Variants in MAGI1 observed in about 807,000 individuals in gnomAD.
MAGI1 encodes the protein membrane-associated guanylate kinase, WW and PDZ domain-containing protein 1.
MAGI1 carries 58 observed loss-of-function variants against 139.9 expected under a neutral mutation model. The observed-to-expected ratio is 0.41, with a 90% CI of 0.34 to 0.52. The LOEUF (loss-of-function observed/expected upper bound fraction) is 0.52, where lower values mean the gene tolerates loss of function less well. MAGI1 is among the 20% of genes least tolerant of loss of function. The pLI is 0.12. For synonymous variants in MAGI1, 812 were observed against 737.9 expected (o/e 1.10, Z -1.63); for missense variants, 1,874 against 1,901.6 (o/e 0.99, Z 0.27).
intron 1 of MAGI1, among the ~76,000 whole-genome samples, chr3:65,827,368 C>T (rs894431116): frequency 1.3e-5 from 2 of 152,106 alleles, no homozygotes; most frequent in African/African-American, 4.8e-5. Flanking sequence ...AATCACTTTA[C>T]ACTATGCTAG....
intron 2 of MAGI1, among the ~76,000 whole-genome samples, chr3:65,544,905 A>T (rs2079425550): frequency 6.6e-6 from 1 of 152,240 alleles, no homozygotes; most frequent in African/African-American, 2.4e-5. Flanking sequence ...TGTGAGTGTG[A>T]TTTATAAATA....
chr3:65,666,434 T>C (rs1327230619), intron 1 of MAGI1, among the ~76,000 whole-genome samples: 3 of 152,206 alleles, frequency 2.0e-5, no homozygotes, highest in Admixed American at 2.0e-4. Flanking sequence ...GCTATTCCAC[T>C]GAACACAAGT....
rs1203587670 is a variant in MAGI1, at chr3:65,947,423, T to C, written c.313+90573A>G. On this transcript the variant is annotated intron_variant, in intron 1 of 22. Coordinates refer to ENST00000402939, the MANE Select transcript of MAGI1 (RefSeq NM_001033057.2). Reference sequence around the variant, plus strand: ...TAAAATGGAGGAACACAAAGAATAATACAACATGTCTCTAAATTCTGACAT... The same window carrying C: ...TAAAATGGAGGAACACAAAGAATAACACAACATGTCTCTAAATTCTGACAT... 2.0e-5 allele frequency among the ~76,000 whole-genome samples: 3 copies of C among 152,060 alleles called. 1 individual carries two copies. Among genetic ancestry groups the C allele is most frequent in the East Asian group, 3.9e-4 (2 of 5,194 alleles).
chr3:65,951,000 GAA>G (rs1252341575), intron 1 of MAGI1, among the ~76,000 whole-genome samples: 13 of 132,592 alleles, frequency 9.8e-5, no homozygotes, highest in East Asian at 4.3e-4. Context: ...AGGAAGGAAG[GAA>G]GGAAGGAAGG....
intron 18 of MAGI1, among the ~76,000 whole-genome samples, chr3:65,368,151 T>G (rs904282445): frequency 2.6e-5 from 4 of 152,184 alleles, no homozygotes; most frequent in African/African-American, 9.7e-5. Context: ...CAAAATTGAC[T>G]ACTTACGGTG....
chr3:66,022,431 C>A (rs1213011967), intron 1 of MAGI1, among the ~76,000 whole-genome samples: 1 of 152,126 alleles, frequency 6.6e-6, no homozygotes, highest in Non-Finnish European at 1.5e-5. Context: ...ATTGAGATAA[C>A]ACTTTGTGTC....
At chr3:65,674,236 G>A (rs1365643400) in intron 1 of MAGI1, among the ~76,000 whole-genome samples, 1 of 152,142 alleles carries the variant, frequency 6.6e-6, no homozygotes, top group East Asian at 1.9e-4. Context: ...TATGGCCTGT[G>A]GATTTTGGAT....
intron 1 of MAGI1, among the ~76,000 whole-genome samples, chr3:65,927,237 G>A (rs1421480831): frequency 6.6e-6 from 1 of 152,140 alleles, no homozygotes; most frequent in Admixed American, 6.5e-5. Context: ...TCTTTCTTGT[G>A]CAAGATCCAG....
intron 2 of MAGI1, among the ~76,000 whole-genome samples, chr3:65,518,884 G>T (rs1333852167): frequency 6.6e-6 from 1 of 152,160 alleles, no homozygotes; most frequent in African/African-American, 2.4e-5. Context: ...TAACGTGAGG[G>T]AGAAAAAGCA....
intron 1 of MAGI1, among the ~76,000 whole-genome samples, chr3:65,996,526 T>C (rs1231895385): frequency 1.2e-5 from 1 of 86,234 alleles, no homozygotes; most frequent in African/African-American, 4.8e-5. Context: ...GTGATAACTA[T>C]AAATGAAAAA....
intron 2 of MAGI1, among the ~76,000 whole-genome samples, chr3:65,515,198 T>C (rs2077805490): frequency 6.9e-6 from 1 of 144,298 alleles, no homozygotes; most frequent in African/African-American, 2.6e-5. Context: ...TTGGGAGATA[T>C]ACCTAATGCT....
chr3:65,809,401 G>C (rs942153371), intron 1 of MAGI1, among the ~76,000 whole-genome samples: 1 of 152,178 alleles, frequency 6.6e-6, no homozygotes, highest in African/African-American at 2.4e-5. Flanking sequence ...CAGAAATTCA[G>C]TTCTCCAACG....
At chr3:65,922,007 G>T (rs147388606) in intron 1 of MAGI1, among the ~76,000 whole-genome samples, 1 of 151,190 alleles carries the variant, frequency 6.6e-6, no homozygotes, top group African/African-American at 2.4e-5. Context: ...TATGAAAAAC[G>T]AATAATAATA....
chr3:65,958,952 A>C lies in MAGI1; in HGVS notation c.313+79044T>G, dbSNP rs145723565. ...CAGTGAGCTGAGATCGTGCCACTGC[A>C]CTCCAGCTTGGCCAACTGAGTGAGA... On this transcript the variant is annotated intron_variant, in intron 1 of 22. Coordinates refer to ENST00000402939, the MANE Select transcript of MAGI1 (RefSeq NM_001033057.2). Among the ~76,000 whole-genome samples the C allele has an allele frequency of 2.6e-5, 4 of 151,884 alleles. No individual in the cohort carries two copies. In the East Asian group the frequency reaches 7.8e-4, roughly 29 times the overall value.
intron 1 of MAGI1, among the ~76,000 whole-genome samples, chr3:65,895,603 G>A (rs974403993): frequency 2.0e-5 from 3 of 152,162 alleles, no homozygotes; most frequent in African/African-American, 7.2e-5. Context: ...CTATCCGGCA[G>A]CTTTCTGTAT....
At chr3:65,501,288 G>A (rs2077068817) in intron 2 of MAGI1, among the ~76,000 whole-genome samples, 1 of 151,872 alleles carries the variant, frequency 6.6e-6, no homozygotes, top group South Asian at 2.1e-4. Context: ...AGACCAGTCT[G>A]GCCAAGATGG....
At chr3:65,393,420 C>T (rs1043850096) in intron 13 of MAGI1, among the ~76,000 whole-genome samples, 5 of 152,104 alleles carry the variant, frequency 3.3e-5, no homozygotes, top group Non-Finnish European at 7.3e-5. Context: ...ATATTACCTA[C>T]CTTTTTTACT....
rs114009124 is a variant in MAGI1, at chr3:66,029,432, C to G, written c.313+8564G>C. On this transcript the variant is annotated intron_variant, in intron 1 of 22. Transcript: ENST00000402939. ...AAACAGACACACAAATGCCTCCATC[C>G]ACAGTAATGGTGGGGTTGATACCTT... 6.5e-3 allele frequency among the ~76,000 whole-genome samples: 993 copies of G among 152,240 alleles called. 14 individuals are homozygous for G. The highest frequency in any genetic ancestry group is 0.023 in the African/African-American group (941 of 41,530).
rs961731113 is a variant in MAGI1 at position 65,786,303 on chromosome 3, G to C, written c.314-164215C>G. 2.5e-4 allele frequency among the ~76,000 whole-genome samples: 31 copies of C among 124,272 alleles called. 1 individual carries two copies. Among genetic ancestry groups the C allele is most frequent in the Non-Finnish European group, 2.9e-4 (18 of 62,768 alleles). 81.5% of individuals were successfully genotyped at this position (124,272 alleles called of 152,430 possible). Reference sequence around the variant, plus strand: ...AATCAACAACTCTGAATTACTTCCAGTTTGCATTCTGTGTATTGAGACCCA... The same window carrying C: ...AATCAACAACTCTGAATTACTTCCACTTTGCATTCTGTGTATTGAGACCCA... On this transcript the variant is annotated intron_variant, in intron 1 of 22. Transcript: ENST00000402939.
Sources: allele counts gnomAD v4.1 joint callset (sites outside exome capture counted in the v4.1 genomes callset), GRCh38; gene constraint gnomAD v4.1.1; transcripts MANE v1.5; gene names NCBI Gene and HGNC (gene_info 2026-07-23, HGNC 2026-07-21).